ECT2L: variants seen among roughly 807,000 people sequenced by gnomAD.
ECT2L encodes the protein epithelial cell-transforming sequence 2 oncogene-like.
In ECT2L, 126 loss-of-function variants were observed where a neutral mutation model predicts 122.8. The observed-to-expected ratio is 1.03, with a 90% confidence interval of 0.89 to 1.19. The LOEUF (loss-of-function observed/expected upper bound fraction) is 1.19. ECT2L is among the 50% of genes most tolerant of loss of function. The probability of loss-of-function intolerance (pLI) is 0.00; values close to 1 mark genes in which losing one functional copy is unlikely to be tolerated. For missense variants in ECT2L, 1,012 were observed against 1,064.1 expected (o/e 0.95, Z 0.68); for synonymous variants, 385 against 381.8 (o/e 1.01, Z -0.10).
chr6:138,854,247 C>T, intron 10 of ECT2L, 93 bp downstream of exon 10: 3 of 1,389,260 alleles, frequency 2.2e-6, no homozygotes, highest in Non-Finnish European at 2.9e-6. Flanking sequence ...TCAAATGATT[C>T]AGTCACATTT....
At chr6:138,837,243 CT>C (rs34416705) in intron 4 of ECT2L, among the ~76,000 whole-genome samples, 1 of 152,188 alleles carries the variant, frequency 6.6e-6, no homozygotes, top group Admixed American at 6.5e-5. Flanking sequence ...CTTGTAGATC[CT>C]TTTTCCAAAA....
chr6:138,815,065 G>A (rs1776023368), intron 4 of ECT2L, among the ~76,000 whole-genome samples: 1 of 152,088 alleles, frequency 6.6e-6, no homozygotes, highest in Admixed American at 6.5e-5. Context: ...TTACGAAGAG[G>A]GTTCTCTTTC....
intron 14 of ECT2L, among the ~76,000 whole-genome samples, 200 bp from the exon 15 acceptor site, chr6:138,880,757 C>T (rs1017555719): frequency 1.3e-5 from 2 of 152,188 alleles, no homozygotes; most frequent in African/African-American, 4.8e-5. Flanking sequence ...CTCTACTTGG[C>T]CATCAGGCTG....
intron 14 of ECT2L, chr6:138,878,805 T>TATACCATTAGCCACGAATACATTAGCC (rs1319284928): frequency 1.3e-5 from 2 of 152,314 alleles, no homozygotes; most frequent in Non-Finnish European, 2.9e-5. Flanking sequence ...ATGTTGATGG[T>TATACCATTAGCCACGAATACATTAGCC]ATACCATTAG....
intron 4 of ECT2L, among the ~76,000 whole-genome samples, chr6:138,822,391 T>C (rs1052807417): frequency 2.6e-5 from 4 of 151,928 alleles, no homozygotes; most frequent in Non-Finnish European, 5.9e-5. Context: ...CTGTGTCTAC[T>C]AAAAAATACA....
chr6:138,835,797 G>A (rs749325017), intron 4 of ECT2L, among the ~76,000 whole-genome samples: 4 of 152,118 alleles, frequency 2.6e-5, no homozygotes, highest in Non-Finnish European at 5.9e-5. Flanking sequence ...ATTCCTGATT[G>A]CTCCAGCAAT....
chr6:138,827,028 G>A (rs1334312812), intron 4 of ECT2L, among the ~76,000 whole-genome samples: 1 of 152,100 alleles, frequency 6.6e-6, no homozygotes, highest in Non-Finnish European at 1.5e-5. Context: ...AGAACCATAA[G>A]CCAATTAAAC....
chr6:138,828,252 T>A (rs1776523800), intron 4 of ECT2L, among the ~76,000 whole-genome samples: 1 of 152,246 alleles, frequency 6.6e-6, no homozygotes, highest in African/African-American at 2.4e-5. Flanking sequence ...CTTCTTACTT[T>A]TAAAATAATT....
At chr6:138,833,663 TTGG>T (rs1776724909) in intron 4 of ECT2L, among the ~76,000 whole-genome samples, 1 of 151,992 alleles carries the variant, frequency 6.6e-6, no homozygotes, top group African/African-American at 2.4e-5. Flanking sequence ...TTAGCCGGGC[TTGG>T]TGGCATGCAC....
chr6:138,893,429 T>A (rs1487087187), intron 20 of ECT2L, among the ~76,000 whole-genome samples: 1 of 151,332 alleles, frequency 6.6e-6, no homozygotes, highest in Non-Finnish European at 1.5e-5. Flanking sequence ...TTATTTTTAT[T>A]TTTTTTTGTG....
intron 4 of ECT2L, among the ~76,000 whole-genome samples, chr6:138,836,753 C>T (rs73778414): frequency 0.023 from 3,454 of 151,986 alleles, 111 homozygotes; most frequent in African/African-American, 0.071. Context: ...GACTCAGGAA[C>T]GCCTGTTTTA....
chr6:138,901,104 T>G lies in ECT2L; in HGVS notation c.2571T>G (p.Asn857Lys). The G allele has an allele frequency of 6.2e-7, 1 of 1,613,986 alleles. No individual in the cohort carries two copies. Among genetic ancestry groups the G allele is most frequent in the African/African-American group, 1.3e-5 (1 of 75,022 alleles). ...SVALHRLLIE[N>K]IPDSKYVKNA... ...CCCTTCATCGGTTACTCATAGAAAATATTCCAGATTCCAAGTGTATGTATT... is the reference window on the plus strand; with the variant it reads ...CCCTTCATCGGTTACTCATAGAAAAGATTCCAGATTCCAAGTGTATGTATT... The change falls in exon 21 of 22, where the codon AAT becomes AAG. Residue 857 changes from asparagine (N) to lysine (K), a missense_variant. Physicochemically the swap from Asn to Lys is moderately conservative, Grantham distance 94. Coordinates refer to ENST00000541398, the MANE Select transcript of ECT2L (RefSeq NM_001077706.3).
At chr6:138,832,605 G>A (rs538083398) in intron 4 of ECT2L, among the ~76,000 whole-genome samples, 1 of 152,070 alleles carries the variant, frequency 6.6e-6, no homozygotes, top group Non-Finnish European at 1.5e-5. Flanking sequence ...AGCAGCCCAG[G>A]AGAAGGTGTG....
intron 20 of ECT2L, among the ~76,000 whole-genome samples, chr6:138,891,427 C>A (rs907486650): frequency 1.3e-5 from 2 of 152,070 alleles, no homozygotes; most frequent in African/African-American, 4.8e-5. Context: ...AGACATTTAC[C>A]ATCTATTCTC....
chr6:138,857,143 A>G (rs571733719), intron 10 of ECT2L, among the ~76,000 whole-genome samples: 5 of 152,086 alleles, frequency 3.3e-5, no homozygotes, highest in South Asian at 2.1e-4. Flanking sequence ...TCCACATCCA[A>G]TCCTCTCCTG....
intron 4 of ECT2L, among the ~76,000 whole-genome samples, chr6:138,828,333 G>A (rs1436475799): frequency 6.6e-6 from 1 of 152,134 alleles, no homozygotes; most frequent in Non-Finnish European, 1.5e-5. Flanking sequence ...TTCTTTCAAT[G>A]TATAGGTTTT....
chr6:138,857,483 TG>T (rs1264586795), intron 10 of ECT2L, among the ~76,000 whole-genome samples: 1 of 152,114 alleles, frequency 6.6e-6, no homozygotes, highest in East Asian at 1.9e-4. Flanking sequence ...GCTCCTCCAG[TG>T]GGTCTCTGTC....
chr6:138,883,522 C>CA (rs1778711491), intron 16 of ECT2L, among the ~76,000 whole-genome samples: 1 of 152,160 alleles, frequency 6.6e-6, no homozygotes, highest in African/African-American at 2.4e-5. Context: ...ACACTTCTGC[C>CA]AGAGTCCACT....
At chr6:138,816,795 T>C (rs1451659455) in intron 4 of ECT2L, among the ~76,000 whole-genome samples, 8 of 152,236 alleles carry the variant, frequency 5.3e-5, no homozygotes, top group Non-Finnish European at 1.2e-4. Flanking sequence ...TAAACATCTT[T>C]ATTGAGATAT....
Sources: gnomAD v4.1 joint callset for allele counts (sites outside exome capture counted in the v4.1 genomes callset) on GRCh38, gnomAD v4.1.1 for gene constraint, MANE v1.5 for transcripts, NCBI Gene and HGNC (gene_info 2026-07-23, HGNC 2026-07-21) for gene names.